ERC2: variants seen among roughly 807,000 people sequenced by gnomAD.
ERC2 encodes ELKS/RAB6-interacting/CAST family member 2.
Under a neutral mutation model 114.8 loss-of-function variants are expected in ERC2, and 42 were observed. That is an observed-to-expected ratio of 0.37 (90% CI 0.29 to 0.47). The LOEUF is 0.47. ERC2 is among the 20% of genes least tolerant of loss of function. The pLI is 0.99. For missense variants in ERC2, 939 were observed against 1,150.7 expected (o/e 0.82, Z 2.66); for synonymous variants, 454 against 425.5 (o/e 1.07, Z -0.82).
At chr3:56,333,119 A>G (rs999765704) in intron 2 of ERC2, among the ~76,000 whole-genome samples, 41 of 152,196 alleles carry the variant, frequency 2.7e-4, no homozygotes, top group Admixed American at 2.6e-3. Context: ...ACTGGACACT[A>G]CGGCTAACTG....
At chr3:56,423,800 T>G (rs2107257627) in intron 2 of ERC2, among the ~76,000 whole-genome samples, 1 of 152,346 alleles carries the variant, frequency 6.6e-6, no homozygotes, top group South Asian at 2.1e-4. Context: ...TTGAAATGCT[T>G]TCCACAGCTT....
At chr3:56,221,630 C>T (rs1276632483) in intron 3 of ERC2, among the ~76,000 whole-genome samples, 1 of 152,178 alleles carries the variant, frequency 6.6e-6, no homozygotes, top group East Asian at 1.9e-4. Context: ...AGCAGCCGGG[C>T]ACAGTGGCTC....
rs577552938 is a variant in ERC2, at chr3:55,635,128, C to A, written c.*39+48666G>T. Among the ~76,000 whole-genome samples the A allele has an allele frequency of 2.2e-4, 33 of 152,248 alleles. No homozygotes were observed. In the South Asian group the frequency reaches 6.2e-3, roughly 29 times the overall value. ...TCTCGTGACCTCGTGATCTGCCTGC[C>A]TGCCTCAGCCTACCAAAGTGCTGGG... On this transcript the variant is annotated intron_variant, in intron 17 of 17. Coordinates refer to ENST00000288221, the MANE Select transcript of ERC2 (RefSeq NM_015576.3).
At chr3:55,605,882 G>T (rs1471140386) in intron 17 of ERC2, among the ~76,000 whole-genome samples, 1 of 152,134 alleles carries the variant, frequency 6.6e-6, no homozygotes. Context: ...TCTCTTCCTA[G>T]GAGGAACCCC....
intron 2 of ERC2, among the ~76,000 whole-genome samples, chr3:56,348,907 A>AGAAGGAAGGAAGGAAG (rs1358863890): frequency 8.6e-5 from 3 of 34,944 alleles, no homozygotes; most frequent in African/African-American, 7.8e-5. Flanking sequence ...AAGGAAGGAA[A>AGAAGGAAGGAAGGAAG]GAAGGAAGGA....
intron 6 of ERC2, among the ~76,000 whole-genome samples, chr3:56,110,078 T>C (rs2149825993): frequency 6.6e-6 from 1 of 152,272 alleles, no homozygotes; most frequent in East Asian, 1.9e-4. Context: ...GGCGAAAATA[T>C]ACACAGTAAA....
At chr3:56,328,452 AG>A (rs2057462882) in intron 2 of ERC2, among the ~76,000 whole-genome samples, 2 of 152,246 alleles carry the variant, frequency 1.3e-5, no homozygotes, top group Admixed American at 1.3e-4. Context: ...TATATGTGTG[AG>A]TACTAAACAA....
At chr3:56,152,785 A>G (rs2081493024) in intron 4 of ERC2, among the ~76,000 whole-genome samples, 1 of 152,232 alleles carries the variant, frequency 6.6e-6, no homozygotes, top group Non-Finnish European at 1.5e-5. Flanking sequence ...AATAATACTT[A>G]TAAAAATTTG....
intron 2 of ERC2, among the ~76,000 whole-genome samples, chr3:56,384,383 A>G (rs2059860600): frequency 6.6e-6 from 1 of 152,102 alleles, no homozygotes; most frequent in Non-Finnish European, 1.5e-5. Flanking sequence ...GTTTTTTGTA[A>G]TAGCCATCTT....
At chr3:56,304,846 G>C (rs908820024) in intron 2 of ERC2, among the ~76,000 whole-genome samples, 1 of 152,070 alleles carries the variant, frequency 6.6e-6, no homozygotes, top group African/African-American at 2.4e-5. Flanking sequence ...TTAACTTATA[G>C]AGTATATCTG....
At chr3:55,840,786 T>C (rs536371524) in intron 14 of ERC2, among the ~76,000 whole-genome samples, 1 of 152,198 alleles carries the variant, frequency 6.6e-6, no homozygotes, top group South Asian at 2.1e-4. Context: ...GGCATACTAG[T>C]AGGCAATAAA....
At chr3:55,717,103 G>A (rs1399993988) in intron 15 of ERC2, among the ~76,000 whole-genome samples, 1 of 152,164 alleles carries the variant, frequency 6.6e-6, no homozygotes. Flanking sequence ...TTAAAACAGA[G>A]TCAGGTTTTA....
At chr3:56,438,189 G>T (rs2062114886) in intron 1 of ERC2, among the ~76,000 whole-genome samples, 1 of 152,090 alleles carries the variant, frequency 6.6e-6, no homozygotes, top group Non-Finnish European at 1.5e-5. Flanking sequence ...CAACCATCAG[G>T]CCTCCCAGAT....
At chr3:55,549,151 T>TA (rs771326235) in intron 17 of ERC2, among the ~76,000 whole-genome samples, 3 of 152,178 alleles carry the variant, frequency 2.0e-5, no homozygotes, top group Non-Finnish European at 4.4e-5. Flanking sequence ...AGACAGGAGT[T>TA]AGAGTCCTGG....
chr3:55,740,413 T>C (rs76273898), intron 14 of ERC2, among the ~76,000 whole-genome samples: 3,047 of 152,256 alleles, frequency 0.02, 94 homozygotes, highest in African/African-American at 0.066. Flanking sequence ...TATATAATCA[T>C]AGAACTCTAA....
At chr3:55,513,939 A>T (rs4498004) in intron 17 of ERC2, among the ~76,000 whole-genome samples, 2 of 151,938 alleles carry the variant, frequency 1.3e-5, no homozygotes, top group Non-Finnish European at 2.9e-5. Flanking sequence ...CCAGCCTACC[A>T]GTTTAGAGAG....
intron 5 of ERC2, among the ~76,000 whole-genome samples, chr3:56,147,809 A>G (rs929275101): frequency 6.6e-6 from 1 of 152,240 alleles, no homozygotes; most frequent in South Asian, 2.1e-4. Context: ...AGGAACAGAT[A>G]AAAGCATCTC....
intron 3 of ERC2, among the ~76,000 whole-genome samples, chr3:56,211,116 A>G (rs2049033208): frequency 2.0e-5 from 3 of 152,148 alleles, no homozygotes; most frequent in South Asian, 2.1e-4. Context: ...CATACAAGAG[A>G]AAGAAATAAA....
intron 3 of ERC2, among the ~76,000 whole-genome samples, chr3:56,248,885 T>A (rs1167046305): frequency 6.6e-6 from 1 of 152,250 alleles, no homozygotes; most frequent in Non-Finnish European, 1.5e-5. Flanking sequence ...AGAGTTCTGT[T>A]CACTTAACCC....
Sources: allele counts gnomAD v4.1 joint callset (sites outside exome capture counted in the v4.1 genomes callset), GRCh38; gene constraint gnomAD v4.1.1; transcripts MANE v1.5; gene names NCBI Gene and HGNC (gene_info 2026-07-23, HGNC 2026-07-21).